HIVEP3: variants seen among roughly 807,000 people sequenced by gnomAD.
HIVEP3 encodes the protein HIVEP zinc finger 3, also known as transcription factor HIVEP3.
HIVEP3 carries 49 observed loss-of-function variants against 152.8 expected under a neutral mutation model. The observed-to-expected ratio is 0.32, with a 90% CI of 0.26 to 0.41. The LOEUF is 0.41. Among genes scored for constraint, HIVEP3 ranks in the 10% least tolerant of loss-of-function variants. HIVEP3 has a pLI of 1.00. For missense variants in HIVEP3, 2,790 were observed against 3,103.3 expected (o/e 0.90, Z 2.40); for synonymous variants, 1,269 against 1,289.0 (o/e 0.98, Z 0.33).
At chr1:41,923,342 C>T (rs916581994), upstream of HIVEP3, among the ~76,000 whole-genome samples, 5 of 152,128 alleles carry the variant, frequency 3.3e-5, no homozygotes, top group Admixed American at 6.5e-5. Context: ...TGTGAAAACA[C>T]GGATAAACCT....
chr1:41,797,017 G>A (rs1449532701), intron 1 of HIVEP3, among the ~76,000 whole-genome samples: 1 of 152,202 alleles, frequency 6.6e-6, no homozygotes, highest in Non-Finnish European at 1.5e-5. Context: ...TAGTGTGAGT[G>A]TGATGGCCAT....
Position 41,524,740 on chromosome 1 carries a change from GT to G in HIVEP3, c.5377del (p.Thr1793ProfsTer5). Reference sequence around the variant, plus strand: ...CCCAGCTGACTCTCTCTTACCTTTGGTTTTAAAAGCAAAGTGACAGTGCTTG... The same window carrying G: ...CCCAGCTGACTCTCTCTTACCTTTGGTTTAAAAGCAAAGTGACAGTGCTTG... Reference protein sequence around the residue: ...VCKHCHFAFKTKGNLTKHMKS... With the variant: ...VCKHCHFAFKXKGNLTKHMKS... On this transcript the variant is annotated frameshift_variant, in exon 6 of 9. Coordinates refer to ENST00000372583, the MANE Select transcript of HIVEP3 (RefSeq NM_024503.5). LOFTEE classifies it high-confidence loss of function. 6.2e-7 allele frequency: 1 copy of G among 1,613,770 alleles called. No homozygotes were observed. The highest frequency in any genetic ancestry group is 8.5e-7 in the Non-Finnish European group (1 of 1,179,974).
chr1:41,918,107 CCCGCCG>C lies in HIVEP3; in HGVS notation c.-801+300_-801+305del, dbSNP rs61551837. Among the ~76,000 whole-genome samples the C allele has an allele frequency of 1.5e-4, 22 of 151,712 alleles. No individual in the cohort carries two copies. Among genetic ancestry groups the C allele is most frequent in the African/African-American group, 3.6e-4 (15 of 41,368 alleles). ...CGCACGGCGCGCATAGGGTTACAGCCCCGCCGCCGCCGCCGCCGCCGCCGCCTGTGA... is the reference window on the plus strand; with the variant it reads ...CGCACGGCGCGCATAGGGTTACAGCCCCGCCGCCGCCGCCGCCGCCTGTGA... On this transcript the variant is annotated intron_variant, in intron 1 of 8. Transcript: ENST00000372583. The surrounding 1 kb of genome is among the most constrained non-coding windows in gnomAD (Gnocchi z 4.3).
rs570747080 is a variant in HIVEP3, at chr1:41,511,503, T to C, written c.6406-237A>G. On this transcript the variant is annotated intron_variant, in intron 8 of 8. Coordinates refer to ENST00000372583, the MANE Select transcript of HIVEP3 (RefSeq NM_024503.5). This position sits in a 1 kb window ranked among gnomAD's most constrained non-coding sequence, Gnocchi z 4.9. Reference sequence around the variant, plus strand: ...TGACCATGAGTATGCTCAGGCCCCATGGTCTCCATGCCTCTAGCCAGCATA... The same window carrying C: ...TGACCATGAGTATGCTCAGGCCCCACGGTCTCCATGCCTCTAGCCAGCATA... Among the ~76,000 whole-genome samples the C allele has an allele frequency of 2.0e-4, 31 of 152,224 alleles. No individual in the cohort carries two copies. In the South Asian group the frequency reaches 2.7e-3, roughly 13 times the overall value.
intron 1 of HIVEP3, among the ~76,000 whole-genome samples, chr1:41,976,949 T>C (rs149019691): frequency 1.4e-4 from 22 of 152,210 alleles, no homozygotes; most frequent in Non-Finnish European, 2.5e-4. Context: ...TGTGCAACCA[T>C]ACACTGCTGT....
chr1:41,853,893 C>T (rs764145861), intron 1 of HIVEP3, among the ~76,000 whole-genome samples: 8 of 152,104 alleles, frequency 5.3e-5, no homozygotes, highest in Non-Finnish European at 8.8e-5. Context: ...GCTAGAGAAG[C>T]CTGTCTGTAA....
intron 6 of HIVEP3, among the ~76,000 whole-genome samples, chr1:41,521,703 A>G (rs1251406037): frequency 1.3e-5 from 2 of 152,248 alleles, no homozygotes; most frequent in Non-Finnish European, 2.9e-5. Context: ...AGTGAGAGGT[A>G]AAGTGATGGG....
intron 3 of HIVEP3, among the ~76,000 whole-genome samples, chr1:41,611,544 G>A (rs760854209): frequency 6.6e-5 from 10 of 152,210 alleles, no homozygotes; most frequent in East Asian, 1.9e-4. Flanking sequence ...TCCATCATGC[G>A]CCCAGGGGCA....
At chr1:41,858,567 T>G (rs923866027) in intron 1 of HIVEP3, among the ~76,000 whole-genome samples, 21 of 152,338 alleles carry the variant, frequency 1.4e-4, no homozygotes, top group African/African-American at 3.8e-4. Context: ...ATTTATTCAT[T>G]TCCCACTGTC....
At chr1:41,653,888 T>G (rs906393873) in intron 2 of HIVEP3, among the ~76,000 whole-genome samples, 3 of 138,658 alleles carry the variant, frequency 2.2e-5, no homozygotes, top group Admixed American at 1.6e-4. Context: ...CAAAATCCCC[T>G]GGCCCCTGTT....
At position 41,845,139 on chromosome 1, in the gene HIVEP3, T is replaced by G. The variant is rs148497073; in HGVS notation, c.-801+73274A>C. ...CAACTCACTTGAAAATTTCCCTTGA[T>G]AGTCCCCATCTCTTGCACCCTACTT... is the stretch of plus-strand genomic sequence containing the variant. On this transcript the variant is annotated intron_variant, in intron 1 of 8. Transcript: ENST00000372583. Among the ~76,000 whole-genome samples the G allele has an allele frequency of 2.2e-4, 34 of 152,344 alleles. No homozygotes were observed. In the East Asian group the frequency reaches 6.4e-3, roughly 29 times the overall value.
chr1:41,971,158 G>A (rs1044711397), intron 1 of HIVEP3, among the ~76,000 whole-genome samples: 4 of 152,188 alleles, frequency 2.6e-5, no homozygotes, highest in Admixed American at 6.5e-5. Context: ...CTGCCACACC[G>A]CAGGGTATTC....
At chr1:41,861,672 G>A (rs1643889103) in intron 1 of HIVEP3, among the ~76,000 whole-genome samples, 2 of 152,194 alleles carry the variant, frequency 1.3e-5, no homozygotes, top group Non-Finnish European at 2.9e-5. Context: ...TGCAAGGGAG[G>A]CAGAGATGAG....
chr1:41,551,104 G>A (rs964324652), intron 5 of HIVEP3, among the ~76,000 whole-genome samples: 6 of 152,114 alleles, frequency 3.9e-5, no homozygotes, highest in African/African-American at 7.2e-5. Flanking sequence ...GAATTTTGTT[G>A]AAGGCCTTTT....
At chr1:41,675,305 A>C (rs971214750) in intron 2 of HIVEP3, among the ~76,000 whole-genome samples, 1 of 152,040 alleles carries the variant, frequency 6.6e-6, no homozygotes, top group Non-Finnish European at 1.5e-5. Flanking sequence ...CCCCTGCCTC[A>C]GGGCCTTTGT....
In HIVEP3 at chr1:41,524,778, C is replaced by G. The variant is rs1237391931; in HGVS notation, c.5340G>C (p.Arg1780=). The change falls in exon 6 of 9, where the codon CGG becomes CGC. Residue 1780 remains arginine, a synonymous_variant. Coordinates refer to ENST00000372583, the MANE Select transcript of HIVEP3 (RefSeq NM_024503.5). Reference sequence around the variant, plus strand: ...AGTGACAGTGCTTGCACACATAGGGCCGGACGTCAGTGTGGGTGCGGATGT... The same window carrying G: ...AGTGACAGTGCTTGCACACATAGGGGCGGACGTCAGTGTGGGTGCGGATGT... ...KKHIRTHTDV[R]PYVCKHCHFA... is the part of the protein sequence containing the mutation. The G allele has an allele frequency of 3.1e-6, 5 of 1,614,024 alleles. No homozygotes were observed. In the African/African-American group the frequency reaches 6.7e-5, roughly 22 times the overall value.
At chr1:42,026,497 C>G (rs184942111) in intron 1 of HIVEP3, among the ~76,000 whole-genome samples, 12 of 152,092 alleles carry the variant, frequency 7.9e-5, no homozygotes, top group Middle Eastern at 6.8e-3. Flanking sequence ...AATTTTGGTC[C>G]AAATAACCTA....
chr1:41,647,705 A>C (rs974305487), intron 2 of HIVEP3, among the ~76,000 whole-genome samples: 1 of 152,040 alleles, frequency 6.6e-6, no homozygotes, highest in Non-Finnish European at 1.5e-5. Context: ...TTTCCACACC[A>C]CTGTAGTGAG....
intron 1 of HIVEP3, among the ~76,000 whole-genome samples, chr1:41,880,487 A>C (rs1326370833): frequency 1.3e-5 from 2 of 152,184 alleles, no homozygotes; most frequent in African/African-American, 2.4e-5. Flanking sequence ...CTCTGTAAAC[A>C]CACAGCAGGA....
Sources: allele counts gnomAD v4.1 joint callset (sites outside exome capture counted in the v4.1 genomes callset), GRCh38; gene constraint gnomAD v4.1.1; non-coding constraint Gnocchi (gnomAD v3.1); transcripts MANE v1.5; gene names NCBI Gene and HGNC (gene_info 2026-07-23, HGNC 2026-07-21).